Variants in NBAS observed in about 807,000 individuals in gnomAD.
The protein encoded by NBAS is NBAS subunit of NRZ tethering complex.
In NBAS, 219 loss-of-function variants were observed where a neutral mutation model predicts 302.5. The ratio of observed to expected loss-of-function variants is 0.72; its 90% CI spans 0.65 to 0.81. NBAS has a LOEUF of 0.81. Among genes scored for constraint, NBAS ranks in the 30% least tolerant of loss-of-function variants. NBAS has a pLI of 0.00. For missense variants in NBAS, 2,932 were observed against 2,841.6 expected (o/e 1.03, Z -0.72); for synonymous variants, 1,118 against 1,021.6 (o/e 1.09, Z -1.80).
At chr2:15,145,316 C>T in the NBAS span, among the ~76,000 whole-genome samples, 29 of 152,008 alleles carry the variant, frequency 1.9e-4, 1 homozygote, top group African/African-American at 6.8e-4. Flanking sequence ...TGCTTTTACA[C>T]GCAATCTTAA....
the NBAS span, among the ~76,000 whole-genome samples, chr2:15,122,771 A>T: frequency 6.6e-6 from 1 of 152,122 alleles, no homozygotes; most frequent in Admixed American, 6.5e-5. Flanking sequence ...AACTCTCTAC[A>T]CTCAAATATC....
At chr2:15,135,103 T>C in the NBAS span, among the ~76,000 whole-genome samples, 1 of 152,222 alleles carries the variant, frequency 6.6e-6, no homozygotes, top group Admixed American at 6.5e-5. Flanking sequence ...AATTTAGAGC[T>C]GTTGTCAGCA....
chr2:15,264,951 C>T (rs1032417945), intron 44 of NBAS, among the ~76,000 whole-genome samples: 17 of 152,168 alleles, frequency 1.1e-4, no homozygotes, highest in Admixed American at 5.2e-4. Context: ...TGTGGTGACA[C>T]TGACATCCTT....
the NBAS span, among the ~76,000 whole-genome samples, chr2:15,120,150 T>C: frequency 3.2e-3 from 488 of 152,294 alleles, 4 homozygotes; most frequent in African/African-American, 0.011. Flanking sequence ...ATCTCCAATG[T>C]GTACCTCTTA....
the NBAS span, among the ~76,000 whole-genome samples, chr2:15,066,914 T>G: frequency 6.6e-6 from 1 of 152,132 alleles, no homozygotes; most frequent in African/African-American, 2.4e-5. Context: ...CCATGTTCAT[T>G]GCAGCATTGT....
At chr2:15,252,764 C>T (rs1267344625) in intron 44 of NBAS, among the ~76,000 whole-genome samples, 4 of 152,144 alleles carry the variant, frequency 2.6e-5, no homozygotes, top group East Asian at 1.9e-4. Context: ...TTTTCATGTT[C>T]AAACACTTTC....
At chr2:15,363,263 C>T (rs905068417) in intron 32 of NBAS, among the ~76,000 whole-genome samples, 3 of 152,206 alleles carry the variant, frequency 2.0e-5, no homozygotes, top group Non-Finnish European at 4.4e-5. Context: ...GTAATGAAGT[C>T]TTTAACATGT....
intron 1 of NBAS, among the ~76,000 whole-genome samples, chr2:15,560,931 C>A (rs1183251530): frequency 6.6e-6 from 1 of 152,146 alleles, no homozygotes; most frequent in African/African-American, 2.4e-5. Context: ...AAAGTGGGAT[C>A]GTACGCTCCC....
chr2:15,119,927 AG>A, the NBAS span, among the ~76,000 whole-genome samples: 1 of 152,214 alleles, frequency 6.6e-6, no homozygotes. Context: ...GGTCACCAGC[AG>A]GAAGTGGCCC....
At chr2:15,209,200 G>A (rs961028674) in intron 48 of NBAS, among the ~76,000 whole-genome samples, 3 of 152,094 alleles carry the variant, frequency 2.0e-5, no homozygotes, top group African/African-American at 7.2e-5. Flanking sequence ...AAATCTAGAG[G>A]AAATGGATAA....
At chr2:15,232,332 T>C in intron 47 of NBAS, 90 bp downstream of exon 47, 1 of 1,266,596 alleles carries the variant, frequency 7.9e-7, no homozygotes, top group South Asian at 1.2e-5. Flanking sequence ...GGCTTAGTCT[T>C]GGAAGCCTCA....
At chr2:15,129,095 C>T in the NBAS span, among the ~76,000 whole-genome samples, 4 of 152,248 alleles carry the variant, frequency 2.6e-5, no homozygotes, top group South Asian at 2.1e-4. Context: ...CCGGCTGCCA[C>T]GGGTCTGGCC....
In NBAS at chr2:15,246,690, G is replaced by A. The variant is rs140521484; in HGVS notation, c.5725-8004C>T. 1.5e-3 allele frequency among the ~76,000 whole-genome samples: 236 copies of A among 152,306 alleles called. 4 individuals carry two copies. The East Asian group carries it at 0.022, about 14-fold the overall frequency. The stretch of plus-strand genomic sequence containing the variant: ...ACCAAATGTTTGCCATTGGGACAAT[G>A]CCACCCTGGATCGGAAGTCATGCAG... On this transcript the variant is annotated intron_variant, in intron 44 of 51. Transcript: ENST00000281513.
chr2:14,914,543 A>G, the NBAS span, among the ~76,000 whole-genome samples: 1 of 152,254 alleles, frequency 6.6e-6, no homozygotes, highest in African/African-American at 2.4e-5. Flanking sequence ...CCCCTTGTCA[A>G]GGAGCAGTAT....
At chr2:15,239,773 G>A (rs1035413580) in intron 44 of NBAS, among the ~76,000 whole-genome samples, 9 of 151,334 alleles carry the variant, frequency 5.9e-5, no homozygotes, top group African/African-American at 1.9e-4. Flanking sequence ...CCAAAGATTC[G>A]AAACATCGTT....
chr2:14,922,842 A>G, the NBAS span, among the ~76,000 whole-genome samples: 1 of 152,160 alleles, frequency 6.6e-6, no homozygotes, highest in African/African-American at 2.4e-5. Flanking sequence ...TTTACTTGCT[A>G]CTCATCCTTG....
intron 29 of NBAS, among the ~76,000 whole-genome samples, chr2:15,381,591 G>GA (rs544840420): frequency 1.3e-5 from 2 of 152,162 alleles, no homozygotes; most frequent in Non-Finnish European, 2.9e-5. Flanking sequence ...ATCAGAATCA[G>GA]AAACAGGAAT....
the NBAS span, among the ~76,000 whole-genome samples, chr2:14,837,261 C>T: frequency 2.0e-5 from 3 of 151,748 alleles, no homozygotes; most frequent in South Asian, 6.2e-4. Flanking sequence ...TAGTAGATGC[C>T]TATGCAAAAT....
the NBAS span, among the ~76,000 whole-genome samples, chr2:15,124,595 A>G: frequency 2.0e-5 from 3 of 152,204 alleles, no homozygotes; most frequent in East Asian, 3.9e-4. Flanking sequence ...ACAAGTCCAG[A>G]GGCCTAGGAG....
Sources: allele counts gnomAD v4.1 joint callset (sites outside exome capture counted in the v4.1 genomes callset), GRCh38; gene constraint gnomAD v4.1.1; transcripts MANE v1.5; gene names NCBI Gene and HGNC (gene_info 2026-07-23, HGNC 2026-07-21).